KCNQ1: variants seen among roughly 807,000 people sequenced by gnomAD.
KCNQ1 encodes potassium voltage-gated channel subfamily KQT member 1.
A neutral mutation model predicts 72.4 loss-of-function variants in KCNQ1; 49 were observed. The observed-to-expected ratio is 0.68, with a 90% CI of 0.54 to 0.86. The LOEUF (loss-of-function observed/expected upper bound fraction) is 0.86, where lower values mean the gene tolerates loss of function less well. Ranked by LOEUF, KCNQ1 falls within the 40% of genes least tolerant of loss-of-function variation. The probability of loss-of-function intolerance (pLI) is 0.00; values close to 1 mark genes in which losing one functional copy is unlikely to be tolerated. For synonymous variants in KCNQ1, 450 were observed against 412.6 expected, an observed-to-expected ratio of 1.09 and a Z score of -1.10; for missense variants, 790 against 945.1, an observed-to-expected ratio of 0.84 and a Z score of 2.15.
rs534906918 is a variant in KCNQ1 at position 2,579,447 on chromosome 11, G to A, written c.922-3988G>A. The stretch of plus-strand genomic sequence containing the variant: ...GCCCTGGCAAGGAGCCACGGCCCAG[G>A]AGACAGACATGTGGATCTGCATTCC... On this transcript the variant is annotated intron_variant, in intron 6 of 15. Transcript: ENST00000155840. The surrounding 1 kb of genome is among the most constrained non-coding windows in gnomAD (Gnocchi z 6.0). 2.5e-4 allele frequency among the ~76,000 whole-genome samples: 38 copies of A among 152,356 alleles called. No homozygotes were observed. The highest frequency in any genetic ancestry group is 8.9e-4 in the African/African-American group (37 of 41,578).
At chr11:2,719,186 T>C (rs943256320) in intron 11 of KCNQ1, among the ~76,000 whole-genome samples, 2 of 151,872 alleles carry the variant, frequency 1.3e-5, no homozygotes, top group Non-Finnish European at 2.9e-5. Flanking sequence ...GGGGTAACAA[T>C]GGCTATGTAC....
intron 15 of KCNQ1, among the ~76,000 whole-genome samples, chr11:2,800,478 G>A (rs563819534): frequency 1.6e-3 from 251 of 152,330 alleles, no homozygotes; most frequent in African/African-American, 5.6e-3. Context: ...GCCCAAACCT[G>A]GGTACTCCCA....
chr11:2,612,230 G>T lies in KCNQ1; in HGVS notation c.1393+23376G>T, dbSNP rs1337314531. On this transcript the variant is annotated intron_variant, in intron 10 of 15. Transcript: ENST00000155840. The surrounding 1 kb of genome is among the most constrained non-coding windows in gnomAD (Gnocchi z 5.5). ...CTCTGCCTCCTGTCTGATCAGTGAT[G>T]GCATTAGATTCTCACAGAGAGCAAA... is the stretch of plus-strand genomic sequence containing the variant. 1 of 398,612 alleles carries T rather than the reference G, an allele frequency of 2.5e-6. No individual in the cohort carries two copies. The highest frequency in any genetic ancestry group is 4.4e-5 in the Admixed American group (1 of 22,738). 24.7% of individuals were successfully genotyped at this position (398,612 alleles called of 1,614,324 possible).
intron 2 of KCNQ1, among the ~76,000 whole-genome samples, chr11:2,551,566 G>C (rs11023261): frequency 6.6e-6 from 1 of 152,290 alleles, no homozygotes; most frequent in South Asian, 2.1e-4. Flanking sequence ...TGAATATTGC[G>C]TGCAGTTTTT....
Position 2,445,104 on chromosome 11 carries a change from C to G in KCNQ1, c.6C>G (p.Ala2=). 9.2e-7 allele frequency: 1 copy of G among 1,088,970 alleles called. No individual in the cohort carries two copies. 67.5% of individuals were successfully genotyped at this position (1,088,970 alleles called of 1,614,324 possible). A position where few individuals can be genotyped will look rare whatever the true frequency, so the allele number is the denominator to read the frequency against. Residue 2 remains alanine, a synonymous_variant, in exon 1 of 16, where the codon GCC becomes GCG. Coordinates refer to ENST00000155840, the MANE Select transcript of KCNQ1 (RefSeq NM_000218.3). M[A]AASSPPRAER... ...CCCGGCAGGCCCTCCTCGTTATGGC[C>G]GCGGCCTCCTCCCCGCCCAGGGCCG...
intron 2 of KCNQ1, among the ~76,000 whole-genome samples, chr11:2,558,567 C>T (rs955725680): frequency 6.6e-5 from 10 of 152,320 alleles, no homozygotes; most frequent in African/African-American, 9.6e-5. Flanking sequence ...GTGGCTGCTG[C>T]GCCCTGTGTC....
rs888571840 is a variant in KCNQ1, at chr11:2,486,027, G to A, written c.386+40543G>A. On this transcript the variant is annotated intron_variant, in intron 1 of 15. Coordinates refer to ENST00000155840, the MANE Select transcript of KCNQ1 (RefSeq NM_000218.3). The surrounding 1 kb of genome is among the most constrained non-coding windows in gnomAD (Gnocchi z 5.0). ...ATGGGTGTACAAATATCTTTTCAACGCCCTGCTTTCAATTCTTTTGGGTAT... is the reference window on the plus strand; with the variant it reads ...ATGGGTGTACAAATATCTTTTCAACACCCTGCTTTCAATTCTTTTGGGTAT... 2.0e-5 allele frequency among the ~76,000 whole-genome samples: 3 copies of A among 152,058 alleles called. No individual in the cohort carries two copies. Among genetic ancestry groups the A allele is most frequent in the Non-Finnish European group, 4.4e-5 (3 of 68,022 alleles).
At chr11:2,665,297 CAG>C (rs771162851) in intron 11 of KCNQ1, 1 of 398,440 alleles carries the variant, frequency 2.5e-6, no homozygotes, top group South Asian at 1.3e-4. Flanking sequence ...AACCATATGA[CAG>C]GGCTTCTGAG....
chr11:2,511,846 C>T (rs1847211012), intron 1 of KCNQ1, among the ~76,000 whole-genome samples: 1 of 152,192 alleles, frequency 6.6e-6, no homozygotes, highest in Admixed American at 6.5e-5. Context: ...GCGGGCCCCT[C>T]AATCTGCCCT....
In KCNQ1 at chr11:2,721,914, G is replaced by C. The variant is rs1006745796; in HGVS notation, c.1515-46930G>C. ...GAGACCCCACCGTGGACTTCTCATT[G>C]GGACTTCCAGTGAGACCCAACTCCA... is the stretch of plus-strand genomic sequence containing the variant. On this transcript the variant is annotated intron_variant, in intron 11 of 15. Coordinates refer to ENST00000155840, the MANE Select transcript of KCNQ1 (RefSeq NM_000218.3). Among the ~76,000 whole-genome samples the C allele has an allele frequency of 7.9e-5, 12 of 152,332 alleles. No homozygotes were observed. The South Asian group carries it at 1.0e-3, about 13-fold the overall frequency.
At chr11:2,639,121 T>A (rs1272638155) in intron 10 of KCNQ1, 1 of 152,224 alleles carries the variant, frequency 6.6e-6, no homozygotes, top group Non-Finnish European at 1.5e-5. Context: ...TCGTCTAATC[T>A]TTTTTCAAGG....
chr11:2,675,428 G>T, intron 11 of KCNQ1: 1 of 398,532 alleles, frequency 2.5e-6, no homozygotes, highest in Non-Finnish European at 4.4e-6. Context: ...TTGTCATTTT[G>T]CGTTAAAATA....
At position 2,824,749 on chromosome 11, in the gene KCNQ1, C is replaced by G. The variant is rs998443450; in HGVS notation, c.1795-23018C>G. ...GGAGCTTGGGCATCCTAGAGGCCCC[C>G]GGGACAGCTTTGAGGAAGGAACGTC... is the stretch of plus-strand genomic sequence containing the variant. On this transcript the variant is annotated intron_variant, in intron 15 of 15. Coordinates refer to ENST00000155840, the MANE Select transcript of KCNQ1 (RefSeq NM_000218.3). The surrounding 1 kb of genome is among the most constrained non-coding windows in gnomAD (Gnocchi z 5.9). 2.6e-5 allele frequency among the ~76,000 whole-genome samples: 4 copies of G among 151,492 alleles called. No individual in the cohort carries two copies. The highest frequency in any genetic ancestry group is 1.3e-4 in the Admixed American group (2 of 15,222).
intron 15 of KCNQ1, among the ~76,000 whole-genome samples, chr11:2,807,959 G>A (rs1360084964): frequency 6.6e-6 from 1 of 152,164 alleles, no homozygotes; most frequent in Non-Finnish European, 1.5e-5. Context: ...CTGGAGCCTC[G>A]GTTTCCACAT....
At position 2,664,943 on chromosome 11, in the gene KCNQ1, G is replaced by A. The variant is rs890461157; in HGVS notation, c.1514+2862G>A. 2 of 398,502 alleles carry A rather than the reference G, an allele frequency of 5.0e-6. No homozygotes were observed. Among genetic ancestry groups the A allele is most frequent in the African/African-American group, 4.1e-5 (2 of 48,612 alleles). The allele number at this position is 398,502 out of a possible 1,614,324, so 24.7% of individuals were successfully genotyped here. A position where few individuals can be genotyped will look rare whatever the true frequency, so the allele number is the denominator to read the frequency against. ...CGCCCGCAGGGCCCCAGAGAGGTGA[G>A]GTCACTATAGCCTTGATTACGGGAA... On this transcript the variant is annotated intron_variant, in intron 11 of 15. Coordinates refer to ENST00000155840, the MANE Select transcript of KCNQ1 (RefSeq NM_000218.3). The surrounding 1 kb of genome is among the most constrained non-coding windows in gnomAD (Gnocchi z 5.1).
intron 15 of KCNQ1, among the ~76,000 whole-genome samples, chr11:2,778,486 A>C (rs1846754960): frequency 6.6e-6 from 1 of 152,164 alleles, no homozygotes; most frequent in Non-Finnish European, 1.5e-5. Context: ...TGCAGGGCCC[A>C]GCTGGGATGG....
rs73421343 is a variant in KCNQ1, at chr11:2,832,661, G to A, written c.1795-15106G>A. On this transcript the variant is annotated intron_variant, in intron 15 of 15. Transcript: ENST00000155840. ...CCTCCTCAGGTCTGCCCGCCTCCCC[G>A]GAGCATGTTCCCTCTGTAGCTCCCG... Among the ~76,000 whole-genome samples the A allele has an allele frequency of 6.2e-3, 943 of 152,296 alleles. 7 individuals are homozygous for A. Among genetic ancestry groups the A allele is most frequent in the African/African-American group, 0.022 (894 of 41,570 alleles).
chr11:2,607,357 T>C (rs1848897474), intron 10 of KCNQ1, among the ~76,000 whole-genome samples: 3 of 152,206 alleles, frequency 2.0e-5, no homozygotes, highest in Non-Finnish European at 4.4e-5. Flanking sequence ...TTAATTGCTA[T>C]AGACTGAATG....
intron 15 of KCNQ1, among the ~76,000 whole-genome samples, chr11:2,780,833 G>T (rs1169798267): frequency 6.6e-6 from 1 of 152,208 alleles, no homozygotes; most frequent in East Asian, 1.9e-4. Flanking sequence ...GGGTCTGGGG[G>T]TCTCCCTTCT....
Sources: gnomAD v4.1 joint callset for allele counts (sites outside exome capture counted in the v4.1 genomes callset) on GRCh38, gnomAD v4.1.1 for gene constraint, Gnocchi (gnomAD v3.1) non-coding constraint, MANE v1.5 for transcripts, NCBI Gene and HGNC (gene_info 2026-07-23, HGNC 2026-07-21) for gene names.